The following PDE5A variants were observed in gnomAD, a reference collection of about 807,000 sequenced individuals.
PDE5A encodes the protein phosphodiesterase 5A.
PDE5A carries 67 observed loss-of-function variants against 110.2 expected under a neutral mutation model. That is an observed-to-expected ratio of 0.61 (90% CI 0.50 to 0.75). PDE5A has a LOEUF of 0.75. PDE5A is among the 30% of genes least tolerant of loss of function. The pLI, the probability that PDE5A is intolerant of heterozygous loss-of-function variation, is 0.00. For synonymous variants in PDE5A, 328 were observed against 351.2 expected, an observed-to-expected ratio of 0.93 and a Z score of 0.74; for missense variants, 862 against 1,045.1, an observed-to-expected ratio of 0.82 and a Z score of 2.42.
chr4:119,577,914 G>A (rs1163417759), intron 3 of PDE5A, among the ~76,000 whole-genome samples: 2 of 152,100 alleles, frequency 1.3e-5, no homozygotes, highest in South Asian at 2.1e-4. Context: ...TTTGCAGATG[G>A]CATGATTATG....
Position 119,585,872 on chromosome 4 carries a change from T to A in PDE5A, c.831+10651A>T, listed in dbSNP as rs2110525921. Among the ~76,000 whole-genome samples the A allele has an allele frequency of 1.3e-5, 2 of 152,232 alleles. 1 individual carries two copies. Among genetic ancestry groups the A allele is most frequent in the South Asian group, 4.1e-4 (2 of 4,822 alleles). ...TCTCAAATTGCTCACTCTGGAGAAG[T>A]CAGCTGCCATGATGTAAGGACACTG... is the stretch of plus-strand genomic sequence containing the variant. On this transcript the variant is annotated intron_variant, in intron 3 of 20. Coordinates refer to ENST00000354960, the MANE Select transcript of PDE5A (RefSeq NM_001083.4).
At chr4:119,543,464 G>C (rs1323302245) in intron 9 of PDE5A, among the ~76,000 whole-genome samples, 1 of 152,090 alleles carries the variant, frequency 6.6e-6, no homozygotes, top group Non-Finnish European at 1.5e-5. Flanking sequence ...CCCACTGTGG[G>C]ATAGGCATTG....
At chr4:119,607,419 T>G in intron 1 of PDE5A, 122 bp from the exon 2 acceptor site, 1 of 666,964 alleles carries the variant, frequency 1.5e-6, no homozygotes, top group Middle Eastern at 3.3e-4. Flanking sequence ...TTATAGAAAA[T>G]AAAAACAAGA....
intron 14 of PDE5A, among the ~76,000 whole-genome samples, chr4:119,511,401 G>A (rs1371715885): frequency 6.6e-6 from 1 of 151,982 alleles, no homozygotes; most frequent in Non-Finnish European, 1.5e-5. Context: ...TAAAATAGAA[G>A]TAAGGAGTAA....
At chr4:119,542,063 G>C (rs1200867109) in intron 10 of PDE5A, 2 of 157,502 alleles carry the variant, frequency 1.3e-5, no homozygotes, top group Non-Finnish European at 2.8e-5. Flanking sequence ...TCTGTTTTTT[G>C]TTTGTTTGTT....
rs1323011749 is a variant in PDE5A, at chr4:119,494,924, GA to G, written c.*3676del. 2 of 152,578 alleles carry G rather than the reference GA, an allele frequency of 1.3e-5. No homozygotes were observed. Among genetic ancestry groups the G allele is most frequent in the Non-Finnish European group, 2.9e-5 (2 of 68,028 alleles). The allele number at this position is 152,578 out of a possible 1,614,324, so 9.5% of individuals were successfully genotyped here. A position where few individuals can be genotyped will look rare whatever the true frequency, so the allele number is the denominator to read the frequency against. ...CTTCTTCACTCTCTGTAGTAGAGCA[GA>G]AGGGGTCCAAAACCATGCACAATTT... On this transcript the variant is annotated 3_prime_UTR_variant, in exon 21 of 21. Transcript: ENST00000354960.
intron 15 of PDE5A, among the ~76,000 whole-genome samples, chr4:119,508,490 CA>C (rs1236985218): frequency 3.3e-5 from 5 of 151,888 alleles, no homozygotes; most frequent in Admixed American, 3.3e-4. Flanking sequence ...AGAAAAAACC[CA>C]GACGCTTAGG....
In PDE5A at chr4:119,503,173, T is replaced by C. The variant is rs1462446637; in HGVS notation, c.2332-518A>G. Among the ~76,000 whole-genome samples the C allele has an allele frequency of 2.6e-5, 4 of 152,242 alleles. No homozygotes were observed. The East Asian group carries it at 7.7e-4, about 29-fold the overall frequency. ...ATGTCTGTTTCATGAGATGAGCCTG[T>C]AGGAAGAGTTACTAGGCTCCCTGAC... On this transcript the variant is annotated intron_variant, in intron 18 of 20. Transcript: ENST00000354960.
rs371132109 is a variant in PDE5A at position 119,517,768 on chromosome 4, ATAT to A, written c.2000+1274_2000+1276del. Among the ~76,000 whole-genome samples the A allele has an allele frequency of 4.0e-3, 601 of 152,008 alleles. 5 individuals carry two copies. The highest frequency in any genetic ancestry group is 0.013 in the African/African-American group (547 of 41,462). ...TACACTAATAATACACATACTAATA[ATAT>A]TATGTTCAGTGTAGCACATGCTTAT... On this transcript the variant is annotated intron_variant, in intron 14 of 20. Transcript: ENST00000354960.
At chr4:119,572,699 C>G (rs1399126177) in intron 3 of PDE5A, among the ~76,000 whole-genome samples, 3 of 152,142 alleles carry the variant, frequency 2.0e-5, no homozygotes, top group African/African-American at 7.2e-5. Context: ...GGGTCTACCC[C>G]CCAAATTTCA....
At chr4:119,547,031 T>A (rs913978737) in intron 9 of PDE5A, among the ~76,000 whole-genome samples, 2 of 151,634 alleles carry the variant, frequency 1.3e-5, no homozygotes, top group African/African-American at 4.8e-5. Flanking sequence ...TTTTGCCTCC[T>A]TTTTTTCTGT....
chr4:119,615,352 T>C (rs1252694049), intron 1 of PDE5A, among the ~76,000 whole-genome samples: 1 of 152,158 alleles, frequency 6.6e-6, no homozygotes, highest in Non-Finnish European at 1.5e-5. Flanking sequence ...GAATTTGCTA[T>C]CTCTTACACC....
At position 119,607,283 on chromosome 4, in the gene PDE5A, G is replaced by A. The variant is rs755544309; in HGVS notation, c.167C>T (p.Ala56Val). 4.4e-6 allele frequency: 7 copies of A among 1,609,128 alleles called. No individual in the cohort carries two copies. In the South Asian group the frequency reaches 5.5e-5, roughly 13 times the overall value. Residue 56 changes from alanine (A) to valine (V), a missense_variant, in exon 2 of 21, where the codon GCA becomes GTA. Coordinates refer to ENST00000354960, the MANE Select transcript of PDE5A (RefSeq NM_001083.4). ...VRKATREMVN[A>V]WFAERVHTIP... ...GGTGTGAACTCTCTCAGCAAACCAT[G>A]CATTGACCATTTCTCTGCAGAACAG...
chr4:119,587,072 A>G (rs1355301441), intron 3 of PDE5A, among the ~76,000 whole-genome samples: 2 of 152,210 alleles, frequency 1.3e-5, no homozygotes, highest in African/African-American at 4.8e-5. Context: ...TGTTATTTAA[A>G]GGGCAGTGTG....
At chr4:119,615,338 C>A (rs763847298) in intron 1 of PDE5A, among the ~76,000 whole-genome samples, 2 of 152,144 alleles carry the variant, frequency 1.3e-5, no homozygotes, top group Non-Finnish European at 2.9e-5. Context: ...TTCAACATAT[C>A]TAAGAATTTG....
intron 1 of PDE5A, among the ~76,000 whole-genome samples, chr4:119,616,288 T>C (rs945306409): frequency 6.6e-6 from 1 of 152,122 alleles, no homozygotes; most frequent in African/African-American, 2.4e-5. Flanking sequence ...TCCTTTTCCA[T>C]ACGGAGCAAG....
chr4:119,532,866 T>C (rs1480302964), intron 11 of PDE5A, among the ~76,000 whole-genome samples: 1 of 152,136 alleles, frequency 6.6e-6, no homozygotes, highest in African/African-American at 2.4e-5. Context: ...AAAAAGGTCA[T>C]ACTGCTATCA....
intron 9 of PDE5A, chr4:119,543,392 G>A (rs1341003053): frequency 6.6e-6 from 1 of 152,026 alleles, no homozygotes; most frequent in Non-Finnish European, 1.5e-5. Context: ...TGTAAACAAA[G>A]TGTTGTTAAA....
In PDE5A at chr4:119,507,686, C is replaced by T; in HGVS notation, c.2107G>A (p.Gly703Ser). 6.3e-7 allele frequency: 1 copy of T among 1,582,224 alleles called. No homozygotes were observed. Among genetic ancestry groups the T allele is most frequent in the Non-Finnish European group, 8.6e-7 (1 of 1,169,362 alleles). Residue 703 changes from glycine to serine, a missense_variant, in exon 16 of 21, where the codon GGC becomes AGC. Gly to Ser is a moderately conservative substitution (Grantham distance 56). Transcript: ENST00000354960. Reference sequence around the variant, plus strand: ...GTCTTATATTCTTCAATGGAGAGGCCACTGAGAATCTGATTGCCCTTTATA... The same window carrying T: ...GTCTTATATTCTTCAATGGAGAGGCTACTGAGAATCTGATTGCCCTTTATA... The part of the protein sequence containing the change: ...LNSPGNQILS[G>S]LSIEEYKTTL...
Sources: gnomAD v4.1 joint callset for allele counts (sites outside exome capture counted in the v4.1 genomes callset) on GRCh38, gnomAD v4.1.1 for gene constraint, MANE v1.5 for transcripts, NCBI Gene and HGNC (gene_info 2026-07-23, HGNC 2026-07-21) for gene names.